The following VPS13A variants were observed in gnomAD, a reference collection of about 807,000 sequenced individuals.
VPS13A encodes the protein intermembrane lipid transfer protein VPS13A.
Under a neutral mutation model 390.9 loss-of-function variants are expected in VPS13A, and 264 were observed. That is an observed-to-expected ratio of 0.68 (90% CI 0.61 to 0.75). The LOEUF (loss-of-function observed/expected upper bound fraction) is 0.75, where lower values mean the gene tolerates loss of function less well. Ranked by LOEUF, VPS13A falls within the 30% of genes least tolerant of loss-of-function variation. The pLI is 0.00. For missense variants in VPS13A, 3,409 were observed against 3,733.9 expected (o/e 0.91, Z 2.27); for synonymous variants, 1,231 against 1,227.1 (o/e 1.00, Z -0.07).
In VPS13A at chr9:77,227,708, T is replaced by G. The variant is rs549856315; in HGVS notation, c.1452+223T>G. On this transcript the variant is annotated intron_variant, in intron 16 of 71. Coordinates refer to ENST00000360280, the MANE Select transcript of VPS13A (RefSeq NM_033305.3). ...TTTTTGTGGTTTTTTTTTTGTTTTTTTTTTTTGATAGAGATGGGGTTTCGC... is the reference window on the plus strand; with the variant it reads ...TTTTTGTGGTTTTTTTTTTGTTTTTGTTTTTTGATAGAGATGGGGTTTCGC... Among the ~76,000 whole-genome samples, 16 of 151,548 alleles carry G rather than the reference T, an allele frequency of 1.1e-4. No individual in the cohort carries two copies. In the South Asian group the frequency reaches 2.7e-3, roughly 26 times the overall value.
At position 77,323,196 on chromosome 9, in the gene VPS13A, G is replaced by A. The variant is rs1829838894; in HGVS notation, c.5960G>A (p.Ser1987Asn). The A allele has an allele frequency of 2.5e-6, 4 of 1,613,370 alleles. No individual in the cohort carries two copies. Among genetic ancestry groups the A allele is most frequent in the Non-Finnish European group, 3.4e-6 (4 of 1,179,558 alleles). The change falls in exon 45 of 72, where the codon AGT (serine) becomes AAT (asparagine). Residue 1987 changes from serine to asparagine, a missense_variant. By Grantham distance (46) the Ser-to-Asn change is conservative. Coordinates refer to ENST00000360280, the MANE Select transcript of VPS13A (RefSeq NM_033305.3). ...IVCQIDTVEG[S>N]KKVTIRSPVQ... ...TGTCAAATTGATACAGTAGAAGGAA[G>A]TAAGAAGGTCACAATTCGCTCCCCA...
chr9:77,351,383 G>A lies in VPS13A; in HGVS notation c.7356G>A (p.Pro2452=), dbSNP rs368281839. Residue 2452 remains proline, a synonymous_variant, in exon 53 of 72, where the codon CCG becomes CCA. Transcript: ENST00000360280. The part of the protein sequence containing the change: ...GKAVFYTWAD[P]VGSRRLKWRC... ...CCGTGTTTTATACATGGGCTGATCC[G>A]GTGGGCTCTAGAAGGCTGAAGTGGA... The A allele has an allele frequency of 2.7e-5, 44 of 1,613,814 alleles. No homozygotes were observed. The African/African-American group carries it at 4.1e-4, about 15-fold the overall frequency.
At chr9:77,411,176 T>G (rs1007340123) in intron 71 of VPS13A, among the ~76,000 whole-genome samples, 4 of 152,048 alleles carry the variant, frequency 2.6e-5, no homozygotes, top group Non-Finnish European at 5.9e-5. Context: ...AACAACCTGC[T>G]CCTGAATGAC....
chr9:77,373,638 G>A lies in VPS13A; in HGVS notation c.9077+2489G>A, dbSNP rs575042087. Among the ~76,000 whole-genome samples, 1,168 of 150,926 alleles carry A rather than the reference G, an allele frequency of 7.7e-3. 17 individuals are homozygous for A. Among genetic ancestry groups the A allele is most frequent in the African/African-American group, 0.027 (1,095 of 41,152 alleles). ...AACAAAAGCCAAAATTGACAAATGG[G>A]ATCTAATTAAACTAAAGAGCTTCTG... is the stretch of plus-strand genomic sequence containing the variant. On this transcript the variant is annotated intron_variant, in intron 67 of 71. Transcript: ENST00000360280.
Position 77,178,370 on chromosome 9 carries a change from C to T in VPS13A, c.100+566C>T, listed in dbSNP as rs1823783283. Among the ~76,000 whole-genome samples, 5 of 152,372 alleles carry T rather than the reference C, an allele frequency of 3.3e-5. No homozygotes were observed. The South Asian group carries it at 1.0e-3, about 32-fold the overall frequency. On this transcript the variant is annotated intron_variant, in intron 1 of 71. Transcript: ENST00000360280. ...GTGCTTTCTGCTCTCCCCCTTCCGGCCCTAGGACCCGGACGCCGGCTCTCT... is the reference window on the plus strand; with the variant it reads ...GTGCTTTCTGCTCTCCCCCTTCCGGTCCTAGGACCCGGACGCCGGCTCTCT...
chr9:77,322,952 A>G, intron 44 of VPS13A, 115 bp from the exon 45 acceptor site: 1 of 816,574 alleles, frequency 1.2e-6, no homozygotes. Flanking sequence ...CAAAGACTCT[A>G]GTGACTATTA....
chr9:77,357,814 T>A lies in VPS13A; in HGVS notation c.7929T>A (p.Phe2643Leu). Reference sequence around the variant, plus strand: ...ACACATCTGCACATCAATCATCATTTAGAATTCAGATTTACAGAATACAGG... The same window carrying A: ...ACACATCTGCACATCAATCATCATTAAGAATTCAGATTTACAGAATACAGG... The part of the protein sequence containing the change: ...EYNTSAHQSS[F>L]RIQIYRIQIQ... The change falls in exon 56 of 72, where the codon TTT (phenylalanine) becomes TTA (leucine). Residue 2643 changes from phenylalanine to leucine, a missense_variant. Phe to Leu is a conservative substitution (Grantham distance 22). Transcript: ENST00000360280. 1 of 1,613,698 alleles carries A rather than the reference T, an allele frequency of 6.2e-7. No homozygotes were observed. Among genetic ancestry groups the A allele is most frequent in the East Asian group, 2.2e-5 (1 of 44,846 alleles).
chr9:77,217,449 T>C (rs1163888879), intron 10 of VPS13A, among the ~76,000 whole-genome samples: 4 of 152,204 alleles, frequency 2.6e-5, no homozygotes, highest in Non-Finnish European at 1.5e-5. Context: ...TTTCTTATCA[T>C]CCACCCCTCT....
intron 17 of VPS13A, among the ~76,000 whole-genome samples, chr9:77,233,431 T>C (rs1467402361): frequency 1.3e-5 from 2 of 152,164 alleles, no homozygotes; most frequent in East Asian, 3.8e-4. Context: ...TATTATTTTA[T>C]TCATACTGTG....
At position 77,421,097 on chromosome 9, in the gene VPS13A, T is replaced by C. The variant is rs1014487545; in HGVS notation, c.*5091T>C. 1.3e-5 allele frequency: 2 copies of C among 152,250 alleles called. No homozygotes were observed. The highest frequency in any genetic ancestry group is 1.3e-4 in the Admixed American group (2 of 15,290). The allele number at this position is 152,250 out of a possible 1,614,324, so 9.4% of individuals were successfully genotyped here. A position where few individuals can be genotyped will look rare whatever the true frequency, so the allele number is the denominator to read the frequency against. ...CAGGAAAAGTGCACTTTAAAAATAC[T>C]TTCTCTTGCTAGTTTTTTAAATTGA... On this transcript the variant is annotated 3_prime_UTR_variant, in exon 72 of 72. Coordinates refer to ENST00000360280, the MANE Select transcript of VPS13A (RefSeq NM_033305.3).
Position 77,280,142 on chromosome 9 carries a change from TAAAAAATTATTTTTAGATGAAAACAAG to T in VPS13A, c.2825-13_2838del, listed in dbSNP as rs776609817. 1 of 1,574,798 alleles carries T rather than the reference TAAAAAATTATTTTTAGATGAAAACAAG, an allele frequency of 6.4e-7. No homozygotes were observed. The highest frequency in any genetic ancestry group is 8.7e-7 in the Non-Finnish European group (1 of 1,150,192). ...ACCTTTCCGATGAAAAGATAATTTT[TAAAAAATTATTTTTAGATGAAAACAAG>T]AAACCAGTTTATTTGGTTACAACCC... On this transcript the variant is annotated splice_acceptor_variant and splice_polypyrimidine_tract_variant and coding_sequence_variant and intron_variant, in exon 27 of 72. Coordinates refer to ENST00000360280, the MANE Select transcript of VPS13A (RefSeq NM_033305.3). LOFTEE classifies it high-confidence loss of function.
intron 20 of VPS13A, among the ~76,000 whole-genome samples, chr9:77,249,474 C>T (rs1333521750): frequency 2.0e-5 from 3 of 152,062 alleles, no homozygotes; most frequent in Admixed American, 1.3e-4. Flanking sequence ...TGAGTGTTTA[C>T]TTCACATGAG....
rs927898964 is a variant in VPS13A at position 77,366,940 on chromosome 9, G to T, written c.8471+68G>T. 8 of 1,541,030 alleles carry T rather than the reference G, an allele frequency of 5.2e-6. No individual in the cohort carries two copies. The East Asian group carries it at 1.8e-4, about 36-fold the overall frequency. On this transcript the variant is annotated intron_variant, in intron 61 of 71. Transcript: ENST00000360280. ...TATTTTATATGTCCCTAAAAATTTC[G>T]TAAATGAAAAAGTGTGTGAAGTACG...
Position 77,357,682 on chromosome 9 carries a change from T to C in VPS13A, c.7807-10T>C. 1 of 1,613,308 alleles carries C rather than the reference T, an allele frequency of 6.2e-7. No homozygotes were observed. Among genetic ancestry groups the C allele is most frequent in the Non-Finnish European group, 8.5e-7 (1 of 1,179,608 alleles). ...ATTAATTTTTTCATTTGGGGGGACA[T>C]ATTTTTCAGGTTCGCCTAACCCCTA... On this transcript the variant is annotated splice_polypyrimidine_tract_variant and intron_variant, in intron 55 of 71. Coordinates refer to ENST00000360280, the MANE Select transcript of VPS13A (RefSeq NM_033305.3).
At chr9:77,249,896 CT>C (rs2131266621) in intron 20 of VPS13A, among the ~76,000 whole-genome samples, 200 bp from the exon 21 acceptor site, 2 of 152,198 alleles carry the variant, frequency 1.3e-5, no homozygotes, top group East Asian at 3.9e-4. Context: ...GAAATATATC[CT>C]AATATGTAAA....
At chr9:77,189,862 C>T (rs955541513) in intron 1 of VPS13A, among the ~76,000 whole-genome samples, 7 of 151,840 alleles carry the variant, frequency 4.6e-5, no homozygotes, top group Admixed American at 6.6e-5. Flanking sequence ...CTTTTTGTGG[C>T]GATTGTGAAT....
intron 22 of VPS13A, among the ~76,000 whole-genome samples, chr9:77,253,599 C>T (rs1435528676): frequency 6.6e-6 from 1 of 152,154 alleles, no homozygotes; most frequent in African/African-American, 2.4e-5. Flanking sequence ...GCTGCCGCAC[C>T]CGGCTGAGTT....
At chr9:77,205,285 CCTT>C (rs757135329) in intron 3 of VPS13A, 25 bp from the exon 4 acceptor site, 9 of 1,250,954 alleles carry the variant, frequency 7.2e-6, no homozygotes, top group South Asian at 1.5e-5. Context: ...TATTTTTTGT[CCTT>C]TTTTTTTTTC....
chr9:77,309,882 A>C (rs978065288), intron 35 of VPS13A, among the ~76,000 whole-genome samples: 5 of 152,036 alleles, frequency 3.3e-5, no homozygotes, highest in Non-Finnish European at 5.9e-5. Context: ...TTTCAGAAAA[A>C]AAAAAGGCTG....
Sources: gnomAD v4.1 joint callset for allele counts (sites outside exome capture counted in the v4.1 genomes callset) on GRCh38, gnomAD v4.1.1 for gene constraint, MANE v1.5 for transcripts, NCBI Gene and HGNC (gene_info 2026-07-23, HGNC 2026-07-21) for gene names.